DIAPH3: variants seen among roughly 807,000 people sequenced by gnomAD.
DIAPH3 encodes diaphanous related formin 3, also known as protein diaphanous homolog 3.
Under a neutral mutation model 144.3 loss-of-function variants are expected in DIAPH3, and 117 were observed. That is an observed-to-expected ratio of 0.81 (90% CI 0.70 to 0.95). The LOEUF is 0.95. DIAPH3 is among the 40% of genes least tolerant of loss of function. The pLI is 0.00. For synonymous variants in DIAPH3, 519 were observed against 488.9 expected (o/e 1.06, Z -0.81); for missense variants, 1,421 against 1,412.7 (o/e 1.01, Z -0.09).
chr13:59,791,181 G>C (rs114646266), intron 25 of DIAPH3, among the ~76,000 whole-genome samples: 292 of 152,196 alleles, frequency 1.9e-3, no homozygotes, highest in African/African-American at 6.5e-3. Context: ...TATTGCTCAG[G>C]ATGGTCTCAA....
intron 22 of DIAPH3, among the ~76,000 whole-genome samples, chr13:59,858,439 T>G (rs2043383396): frequency 6.6e-6 from 1 of 151,874 alleles, no homozygotes; most frequent in South Asian, 2.1e-4. Context: ...AAGTTAGTGA[T>G]TGGATGAATG....
chr13:59,896,110 A>G (rs1240579059), intron 20 of DIAPH3, among the ~76,000 whole-genome samples: 1 of 152,220 alleles, frequency 6.6e-6, no homozygotes, highest in Non-Finnish European at 1.5e-5. Context: ...TAAGTTTAGA[A>G]ATCCGCAGTT....
At chr13:59,940,451 A>G (rs2048472578) in intron 17 of DIAPH3, among the ~76,000 whole-genome samples, 1 of 152,204 alleles carries the variant, frequency 6.6e-6, no homozygotes, top group Non-Finnish European at 1.5e-5. Flanking sequence ...ACAGAACAAT[A>G]CTAAACAGAA....
rs149134329 is a variant in DIAPH3 at position 59,784,820 on chromosome 13, C to A, written c.3164-9997G>T. ...CAAAATTCATAGGCTTATAGTTTAA[C>A]CCAATTCTAGAAGAAAAACCACACA... is the stretch of plus-strand genomic sequence containing the variant. On this transcript the variant is annotated intron_variant, in intron 25 of 27. Coordinates refer to ENST00000400324, the MANE Select transcript of DIAPH3 (RefSeq NM_001042517.2). 4.3e-3 allele frequency among the ~76,000 whole-genome samples: 648 copies of A among 152,062 alleles called. 3 individuals carry two copies. Among genetic ancestry groups the A allele is most frequent in the Non-Finnish European group, 7.6e-3 (518 of 67,978 alleles).
intron 17 of DIAPH3, among the ~76,000 whole-genome samples, chr13:59,934,565 T>C (rs2048174085): frequency 6.6e-6 from 1 of 152,186 alleles, no homozygotes. Context: ...ATGGCTGTTA[T>C]TTTTCTTTGC....
intron 27 of DIAPH3, among the ~76,000 whole-genome samples, chr13:59,692,326 A>G (rs748488034): frequency 2.0e-5 from 3 of 151,968 alleles, no homozygotes; most frequent in Non-Finnish European, 2.9e-5. Context: ...ATTTTGAGCC[A>G]AAGAGGTCAT....
intron 25 of DIAPH3, among the ~76,000 whole-genome samples, chr13:59,804,072 G>A (rs149103698): frequency 6.6e-6 from 1 of 152,280 alleles, no homozygotes; most frequent in East Asian, 1.9e-4. Flanking sequence ...AACAATGAAA[G>A]TACTGAACAC....
chr13:59,692,144 T>C (rs2033561150), intron 27 of DIAPH3, among the ~76,000 whole-genome samples: 2 of 144,968 alleles, frequency 1.4e-5, no homozygotes, highest in Non-Finnish European at 3.0e-5. Flanking sequence ...ATTCTTTTTT[T>C]TTTTTTTTTT....
At chr13:60,141,187 A>G (rs566189750) in intron 1 of DIAPH3, among the ~76,000 whole-genome samples, 3 of 152,350 alleles carry the variant, frequency 2.0e-5, no homozygotes, top group Admixed American at 6.5e-5. Flanking sequence ...AAATGATATC[A>G]TGCCATCTTG....
chr13:59,889,111 G>C (rs1369442161), intron 20 of DIAPH3, among the ~76,000 whole-genome samples: 3 of 151,508 alleles, frequency 2.0e-5, no homozygotes, highest in Non-Finnish European at 2.9e-5. Flanking sequence ...ATTTTTCCTA[G>C]TTGGGATCTG....
intron 17 of DIAPH3, among the ~76,000 whole-genome samples, chr13:59,937,442 G>A (rs2048320731): frequency 6.6e-6 from 1 of 152,176 alleles, no homozygotes; most frequent in Non-Finnish European, 1.5e-5. Flanking sequence ...AATGGAAAGA[G>A]TTGATAAACC....
chr13:60,150,570 T>C (rs1233189736), intron 1 of DIAPH3, among the ~76,000 whole-genome samples: 1 of 152,150 alleles, frequency 6.6e-6, no homozygotes, highest in East Asian at 1.9e-4. Flanking sequence ...GATAAGTGAT[T>C]AAAATAGTGC....
At chr13:59,923,509 C>T (rs1286434963) in intron 18 of DIAPH3, among the ~76,000 whole-genome samples, 3 of 152,128 alleles carry the variant, frequency 2.0e-5, no homozygotes, top group African/African-American at 7.2e-5. Context: ...ATATGTTCAT[C>T]ACACCAGTTT....
At chr13:60,037,321 A>G (rs2055301731) in intron 5 of DIAPH3, among the ~76,000 whole-genome samples, 1 of 152,046 alleles carries the variant, frequency 6.6e-6, no homozygotes, top group Non-Finnish European at 1.5e-5. Context: ...AGAAACATAT[A>G]TACATATACA....
chr13:60,144,808 G>C (rs1053420524), intron 1 of DIAPH3: 9 of 152,222 alleles, frequency 5.9e-5, no homozygotes, highest in South Asian at 2.1e-4. Context: ...ACTGAGAAAA[G>C]CTGTCAGCTT....
At chr13:59,761,380 T>C (rs943263871) in intron 27 of DIAPH3, among the ~76,000 whole-genome samples, 2 of 152,188 alleles carry the variant, frequency 1.3e-5, no homozygotes, top group African/African-American at 4.8e-5. Flanking sequence ...TGGATACACA[T>C]TATCTACCAG....
In DIAPH3 at chr13:59,847,832, C is replaced by A. The variant is rs949052239; in HGVS notation, c.2738-8384G>T. ...TGTATTAGCTGGACTTCAAAAAAGT[C>A]CAAATTTTTTCTCAAGCCTAGATCC... On this transcript the variant is annotated intron_variant, in intron 22 of 27. Transcript: ENST00000400324. Among the ~76,000 whole-genome samples, 6 of 152,276 alleles carry A rather than the reference C, an allele frequency of 3.9e-5. No individual in the cohort carries two copies. In the East Asian group the frequency reaches 9.6e-4, roughly 24 times the overall value.
In DIAPH3 at chr13:60,042,918, T is replaced by C. The variant is rs2055792515; in HGVS notation, c.496-98A>G. The C allele has an allele frequency of 2.2e-6, 3 of 1,388,048 alleles. No homozygotes were observed. The South Asian group carries it at 3.6e-5, about 17-fold the overall frequency. The allele number at this position is 1,388,048 out of a possible 1,614,324, so 86.0% of individuals were successfully genotyped here. On this transcript the variant is annotated intron_variant, in intron 4 of 27. Transcript: ENST00000400324. ...CTCCCTAACAGCAGCACATAACTAC[T>C]ATAATTAACACTATTTGGGCAAGGG...
intron 24 of DIAPH3, among the ~76,000 whole-genome samples, chr13:59,829,986 G>A (rs921291943): frequency 6.6e-6 from 1 of 151,766 alleles, no homozygotes; most frequent in Admixed American, 6.6e-5. Context: ...AATAAACAAT[G>A]GAAACATTTT....
Sources: allele counts gnomAD v4.1 joint callset (sites outside exome capture counted in the v4.1 genomes callset), GRCh38; gene constraint gnomAD v4.1.1; transcripts MANE v1.5; gene names NCBI Gene and HGNC (gene_info 2026-07-23, HGNC 2026-07-21).